Variants in AIFM1 observed in about 807,000 individuals in gnomAD.
AIFM1 encodes apoptosis-inducing factor 1, mitochondrial.
A neutral mutation model predicts 51.7 loss-of-function variants in AIFM1; 3 were observed. The ratio of observed to expected loss-of-function variants is 0.06; its 90% CI spans 0.03 to 0.15. The LOEUF is 0.15. AIFM1 is among the 10% of genes least tolerant of loss of function. The pLI, the probability that AIFM1 is intolerant of heterozygous loss-of-function variation, is 1.00. For missense variants in AIFM1, 330 were observed against 476.8 expected, an observed-to-expected ratio of 0.69 and a Z score of 2.87; for synonymous variants, 178 against 179.4, an observed-to-expected ratio of 0.99 and a Z score of 0.06.
chrX:130,129,854 C>A, intron 15 of AIFM1, 116 bp downstream of exon 15: 1 of 956,279 alleles, frequency 1.0e-6, no homozygotes, highest in South Asian at 2.0e-5. Context: ...TTGTTCTGCT[C>A]AGGCACAATT....
At chrX:130,130,408 T>C (rs2124644545) in intron 14 of AIFM1, among the ~76,000 whole-genome samples, 1 of 111,398 alleles carries the variant, frequency 9.0e-6, no homozygotes, top group African/African-American at 3.3e-5. Context: ...ACCCTAAACT[T>C]CCCTCCCTTA....
At chrX:130,163,982 T>G (rs2031441301) in intron 1 of AIFM1, among the ~76,000 whole-genome samples, 1 of 92,940 alleles carries the variant, frequency 1.1e-5, no homozygotes, top group Non-Finnish European at 2.1e-5. Flanking sequence ...GGTGAAACCT[T>G]GTCTCTACTA....
rs780691960 is a variant in AIFM1 at position 130,153,920 on chromosome X, C to T, written c.249+2541G>A. Among the ~76,000 whole-genome samples the T allele has an allele frequency of 1.9e-4, 21 of 112,132 alleles. No individual in the cohort carries two copies. The East Asian group carries it at 5.6e-3, about 30-fold the overall frequency. On this transcript the variant is annotated intron_variant, in intron 2 of 15. Coordinates refer to ENST00000287295, the MANE Select transcript of AIFM1 (RefSeq NM_004208.4). ...GTTATGGCAGCCCAAGAAACTAATACAAACGTTCAACAACTTACAGCTATA... is the reference window on the plus strand; with the variant it reads ...GTTATGGCAGCCCAAGAAACTAATATAAACGTTCAACAACTTACAGCTATA...
chrX:130,144,182 A>T (rs918644571), intron 6 of AIFM1, among the ~76,000 whole-genome samples: 1 of 111,023 alleles, frequency 9.0e-6, no homozygotes, highest in African/African-American at 3.3e-5. Flanking sequence ...CTTCTTCTTC[A>T]TCATCATCAT....
chrX:130,141,458 TACA>T lies in AIFM1; in HGVS notation c.697-844_697-842del, dbSNP rs777164017. ...ACTTTATTAATAAGTCTCCTACATC[TACA>T]ACATTTTTACAGAATGCTTTCTCCA... is the stretch of plus-strand genomic sequence containing the variant. On this transcript the variant is annotated intron_variant, in intron 6 of 15. Transcript: ENST00000287295. Among the ~76,000 whole-genome samples, 7 of 112,131 alleles carry T rather than the reference TACA, an allele frequency of 6.2e-5. No individual in the cohort carries two copies. In the East Asian group the frequency reaches 2.0e-3, roughly 31 times the overall value.
At chrX:130,135,522 C>T (rs1453471709) in intron 12 of AIFM1, among the ~76,000 whole-genome samples, 2 of 103,248 alleles carry the variant, frequency 1.9e-5, no homozygotes, top group Non-Finnish European at 3.9e-5. Context: ...AGTCCATAAA[C>T]AAACACAATA....
At chrX:130,151,767 G>A (rs185745485) in intron 2 of AIFM1, among the ~76,000 whole-genome samples, 1 of 112,283 alleles carries the variant, frequency 8.9e-6, no homozygotes, top group East Asian at 2.8e-4. Context: ...TTAGCCAGGC[G>A]CAGTGGCTGA....
At chrX:130,161,260 C>T (rs760479409) in intron 1 of AIFM1, among the ~76,000 whole-genome samples, 2 of 110,759 alleles carry the variant, frequency 1.8e-5, no homozygotes, top group East Asian at 5.7e-4. Flanking sequence ...CACTTGTAAT[C>T]CCAGCACTTT....
chrX:130,134,245 A>G lies in AIFM1; in HGVS notation c.1306-790T>C, dbSNP rs376538635. Among the ~76,000 whole-genome samples the G allele has an allele frequency of 8.1e-5, 9 of 110,653 alleles. No individual in the cohort carries two copies. The East Asian group carries it at 1.7e-3, about 21-fold the overall frequency. On this transcript the variant is annotated intron_variant, in intron 12 of 15. Transcript: ENST00000287295. Reference sequence around the variant, plus strand: ...GAGCGAGACACCGCCTCAAAAAAAAAAAGAAAAAAAAATCTATTCTGCTTC... The same window carrying G: ...GAGCGAGACACCGCCTCAAAAAAAAGAAGAAAAAAAAATCTATTCTGCTTC...
intron 2 of AIFM1, among the ~76,000 whole-genome samples, chrX:130,152,239 T>C (rs746003678): frequency 1.8e-5 from 2 of 111,741 alleles, no homozygotes; most frequent in African/African-American, 3.3e-5. Flanking sequence ...TATCCCAAAA[T>C]AGCCTAAGCC....
chrX:130,133,564 T>A, intron 12 of AIFM1, 109 bp from the exon 13 acceptor site: 1 of 975,037 alleles, frequency 1.0e-6, no homozygotes, highest in Non-Finnish European at 1.4e-6. Context: ...GGTAACTAAT[T>A]CATGTTTTCC....
At chrX:130,134,918 G>T (rs1036941474) in intron 12 of AIFM1, among the ~76,000 whole-genome samples, 4 of 111,283 alleles carry the variant, frequency 3.6e-5, no homozygotes, top group African/African-American at 1.3e-4. Context: ...GAAAAGAGCA[G>T]AATATTATAT....
intron 5 of AIFM1, 54 bp downstream of exon 5, chrX:130,147,439 T>C: frequency 8.3e-7 from 1 of 1,205,962 alleles, no homozygotes; most frequent in African/African-American, 1.7e-5. Flanking sequence ...AATCCTAACC[T>C]ATTCTCTGTG....
intron 12 of AIFM1, among the ~76,000 whole-genome samples, chrX:130,134,813 A>C (rs2030257858): frequency 8.9e-6 from 1 of 112,013 alleles, no homozygotes; most frequent in Admixed American, 9.5e-5. Context: ...GAGCAACCGT[A>C]AACTGTGAAA....
chrX:130,138,447 A>G, intron 9 of AIFM1, 146 bp downstream of exon 9: 1 of 481,626 alleles, frequency 2.1e-6, no homozygotes, highest in South Asian at 2.9e-5. Context: ...CCTGGGTGAC[A>G]GAGCGAGACT....
chrX:130,145,244 T>C (rs986999274), intron 6 of AIFM1, among the ~76,000 whole-genome samples: 3 of 111,718 alleles, frequency 2.7e-5, no homozygotes, highest in African/African-American at 9.8e-5. Context: ...GAAGAGCAAA[T>C]AGGAGAGATA....
intron 2 of AIFM1, among the ~76,000 whole-genome samples, chrX:130,153,418 A>C (rs2031064236): frequency 9.3e-6 from 1 of 107,264 alleles, no homozygotes; most frequent in Non-Finnish European, 1.9e-5. Flanking sequence ...AGTGGGAGGG[A>C]GGTAAAGAGC....
intron 14 of AIFM1, among the ~76,000 whole-genome samples, 186 bp from the exon 15 acceptor site, chrX:130,130,352 C>T (rs1429246254): frequency 8.9e-6 from 1 of 111,913 alleles, no homozygotes; most frequent in Middle Eastern, 4.2e-3. Flanking sequence ...GTGACAAAGC[C>T]AAGGAAAGGT....
chrX:130,159,795 A>T (rs2031289455), intron 1 of AIFM1, among the ~76,000 whole-genome samples: 1 of 108,843 alleles, frequency 9.2e-6, no homozygotes, highest in Non-Finnish European at 1.9e-5. Flanking sequence ...ATTTGCCAAA[A>T]AAAAAAGAAA....
Sources: gnomAD v4.1 joint callset for allele counts (sites outside exome capture counted in the v4.1 genomes callset) on GRCh38, gnomAD v4.1.1 for gene constraint, MANE v1.5 for transcripts, NCBI Gene and HGNC (gene_info 2026-07-23, HGNC 2026-07-21) for gene names.